Variants in STK3 observed in about 807,000 individuals in gnomAD.
The protein encoded by STK3 is serine/threonine-protein kinase 3.
A neutral mutation model predicts 58.0 loss-of-function variants in STK3; 41 were observed. The observed-to-expected ratio is 0.71, with a 90% CI of 0.55 to 0.92. STK3 has a LOEUF of 0.92. Ranked by LOEUF, STK3 falls within the 40% of genes least tolerant of loss-of-function variation. The pLI is 0.00. For missense variants in STK3, 479 were observed against 602.7 expected (o/e 0.79, Z 2.15); for synonymous variants, 170 against 191.0 (o/e 0.89, Z 0.91).
intron 2 of STK3, 85 bp downstream of exon 2, chr8:98,774,654 T>C (rs1253758902): frequency 3.2e-6 from 3 of 933,640 alleles, no homozygotes; most frequent in Admixed American, 3.0e-5. Flanking sequence ...CATACGAATA[T>C]ACTCTAGTTG....
At chr8:98,691,068 G>A (rs1345642669) in intron 6 of STK3, among the ~76,000 whole-genome samples, 1 of 152,190 alleles carries the variant, frequency 6.6e-6, no homozygotes, top group Admixed American at 6.5e-5. Flanking sequence ...AAGGAAGGAA[G>A]GAGTGGAGAG....
chr8:98,651,814 A>G (rs975977067), intron 6 of STK3: 1 of 152,212 alleles, frequency 6.6e-6, no homozygotes, highest in African/African-American at 2.4e-5. Context: ...CAAAGCCTCC[A>G]AGAAATATGG....
intron 2 of STK3, among the ~76,000 whole-genome samples, chr8:98,372,451 A>T (rs1042023132): frequency 6.6e-6 from 1 of 152,076 alleles, no homozygotes; most frequent in African/African-American, 2.4e-5. Flanking sequence ...GAGACGACGC[A>T]GACTTCAGCT....
At chr8:98,614,623 AG>A (rs796097960) in intron 6 of STK3, among the ~76,000 whole-genome samples, 41 of 152,344 alleles carry the variant, frequency 2.7e-4, no homozygotes, top group Middle Eastern at 3.4e-3. Flanking sequence ...GAGCCGAAGC[AG>A]GGCGAGGCAT....
intron 1 of STK3, among the ~76,000 whole-genome samples, chr8:98,907,826 C>A (rs1180092424): frequency 6.6e-6 from 1 of 152,168 alleles, no homozygotes; most frequent in Non-Finnish European, 1.5e-5. Context: ...CCATAACTTG[C>A]ATTTAGTTGA....
intron 4 of STK3, among the ~76,000 whole-genome samples, chr8:98,710,946 A>G (rs1201862499): frequency 6.6e-6 from 1 of 152,224 alleles, no homozygotes. Flanking sequence ...CAAAACTTCC[A>G]GAGGAACGAT....
intron 1 of STK3, among the ~76,000 whole-genome samples, chr8:98,775,347 C>T (rs1831605980): frequency 6.6e-6 from 1 of 152,094 alleles, no homozygotes; most frequent in South Asian, 2.1e-4. Flanking sequence ...AAAAAAGATC[C>T]TCCCCAGCCC....
At chr8:98,504,116 T>C (rs1278438400) in intron 10 of STK3, among the ~76,000 whole-genome samples, 1 of 152,220 alleles carries the variant, frequency 6.6e-6, no homozygotes, top group East Asian at 1.9e-4. Context: ...GCTCTTCTTG[T>C]TGAATTGATC....
chr8:98,630,715 GAGGAGAAGGAGGAGAAGA>G (rs1819137619), intron 6 of STK3, among the ~76,000 whole-genome samples: 1 of 150,482 alleles, frequency 6.6e-6, no homozygotes, highest in South Asian at 2.1e-4. Context: ...GGAGGAGAAG[GAGGAGAAGGAGGAGAAGA>G]AGGAGAAGAA....
downstream of STK3, among the ~76,000 whole-genome samples, chr8:98,454,147 G>C (rs1819328693): frequency 6.6e-6 from 1 of 152,096 alleles, no homozygotes; most frequent in Non-Finnish European, 1.5e-5. Flanking sequence ...TTTTTAAAAA[G>C]GAATGGAAGC....
At chr8:98,713,298 A>G (rs1384954106) in intron 4 of STK3, among the ~76,000 whole-genome samples, 2 of 152,210 alleles carry the variant, frequency 1.3e-5, no homozygotes, top group Non-Finnish European at 2.9e-5. Flanking sequence ...GCAGAACTGA[A>G]GGAGATAGAG....
At chr8:98,571,938 G>A (rs900283340) in intron 8 of STK3, among the ~76,000 whole-genome samples, 3 of 152,100 alleles carry the variant, frequency 2.0e-5, no homozygotes, top group African/African-American at 7.2e-5. Context: ...GTCTTTTAAA[G>A]TGCTTTAAAA....
chr8:98,529,815 G>C (rs888774467), intron 9 of STK3, among the ~76,000 whole-genome samples: 3 of 152,190 alleles, frequency 2.0e-5, no homozygotes, highest in Non-Finnish European at 4.4e-5. Flanking sequence ...CAGGTATTTA[G>C]AGTAGTCAAC....
chr8:98,517,023 T>C (rs1824979613), intron 10 of STK3, among the ~76,000 whole-genome samples: 1 of 152,022 alleles, frequency 6.6e-6, no homozygotes, highest in Admixed American at 6.6e-5. Context: ...CTATACTGCA[T>C]ATCAAATTTC....
chr8:98,760,257 T>C (rs1830535917), intron 3 of STK3, among the ~76,000 whole-genome samples: 1 of 152,142 alleles, frequency 6.6e-6, no homozygotes, highest in South Asian at 2.1e-4. Flanking sequence ...TCCTTCCACC[T>C]CAGCTTCCCA....
chr8:98,483,641 C>T (rs1321505847), intron 10 of STK3, among the ~76,000 whole-genome samples: 1 of 152,038 alleles, frequency 6.6e-6, no homozygotes, highest in Non-Finnish European at 1.5e-5. Context: ...GCAGTTGGAC[C>T]ATGTGAAAAA....
chr8:98,895,334 G>T (rs1838405231), intron 1 of STK3, among the ~76,000 whole-genome samples: 1 of 152,098 alleles, frequency 6.6e-6, no homozygotes, highest in Non-Finnish European at 1.5e-5. Flanking sequence ...ACCACACACT[G>T]ACTGACAAAT....
chr8:98,707,200 TGAG>T lies in STK3; in HGVS notation c.460_462del (p.Leu154del), dbSNP rs1374493626. On this transcript the variant is annotated inframe_deletion, in exon 5 of 11. Transcript: ENST00000419617. Reference sequence around the variant, plus strand: ...GCCAATTTTGCATGTCCTTCTGTATTGAGGAGAATATTTCCAGCTTTTATATCT... The same window carrying T: ...GCCAATTTTGCATGTCCTTCTGTATTGAGAATATTTCCAGCTTTTATATCT... The T allele has an allele frequency of 1.9e-6, 3 of 1,612,824 alleles. No individual in the cohort carries two copies. The highest frequency in any genetic ancestry group is 1.1e-5 in the South Asian group (1 of 90,538).
intron 1 of STK3, among the ~76,000 whole-genome samples, chr8:98,906,017 C>A (rs1246022134): frequency 1.3e-5 from 2 of 152,144 alleles, no homozygotes; most frequent in African/African-American, 2.4e-5. Context: ...GATTGGCACA[C>A]GTGTGGGCTA....
Sources: allele counts gnomAD v4.1 joint callset (sites outside exome capture counted in the v4.1 genomes callset), GRCh38; gene constraint gnomAD v4.1.1; transcripts MANE v1.5; gene names NCBI Gene and HGNC (gene_info 2026-07-23, HGNC 2026-07-21).